Variants in IQCJ observed in about 807,000 individuals in gnomAD.
IQCJ encodes the protein IQ domain-containing protein J.
Under a neutral mutation model 11.0 loss-of-function variants are expected in IQCJ, and 9 were observed. The observed-to-expected ratio is 0.82, with a 90% CI of 0.49 to 1.43. The LOEUF is 1.43. Ranked by LOEUF, IQCJ falls within the 40% of genes most tolerant of loss-of-function variation. IQCJ has a pLI of 0.00. For synonymous variants in IQCJ, 55 were observed against 51.3 expected (o/e 1.07, Z -0.31); for missense variants, 146 against 133.2 (o/e 1.10, Z -0.47).
intron 1 of IQCJ, among the ~76,000 whole-genome samples, chr3:159,201,026 T>C (rs1435483423): frequency 6.6e-6 from 1 of 152,022 alleles, no homozygotes; most frequent in East Asian, 1.9e-4. Flanking sequence ...GAGACAAATA[T>C]AAGAAAGAAG....
chr3:159,212,090 A>G (rs1724987465), intron 1 of IQCJ, among the ~76,000 whole-genome samples: 1 of 151,442 alleles, frequency 6.6e-6, no homozygotes, highest in Non-Finnish European at 1.5e-5. Context: ...ATATTGTTCC[A>G]CAGAGTAGCT....
intron 1 of IQCJ, among the ~76,000 whole-genome samples, chr3:159,150,646 A>G (rs2108201056): frequency 6.6e-6 from 1 of 151,986 alleles, no homozygotes; most frequent in Non-Finnish European, 1.5e-5. Flanking sequence ...CTGTAGGTTG[A>G]GGGTAAGAAA....
intron 1 of IQCJ, among the ~76,000 whole-genome samples, chr3:159,159,488 A>T (rs1189469511): frequency 2.6e-5 from 4 of 152,174 alleles, no homozygotes; most frequent in Admixed American, 2.0e-4. Flanking sequence ...ATACAGCTAG[A>T]TAGTTATTTT....
At chr3:159,170,757 C>T (rs899494961) in intron 1 of IQCJ, among the ~76,000 whole-genome samples, 1 of 151,932 alleles carries the variant, frequency 6.6e-6, no homozygotes, top group African/African-American at 2.4e-5. Flanking sequence ...AAGTGGGAAA[C>T]TTCAGCTCCT....
chr3:159,178,425 T>C (rs1405316867), intron 1 of IQCJ, among the ~76,000 whole-genome samples: 1 of 152,196 alleles, frequency 6.6e-6, no homozygotes, highest in African/African-American at 2.4e-5. Context: ...ATTGCAGTCC[T>C]TCGATCAGCC....
At chr3:159,178,242 G>T (rs1264926161) in intron 1 of IQCJ, among the ~76,000 whole-genome samples, 1 of 152,142 alleles carries the variant, frequency 6.6e-6, no homozygotes, top group Non-Finnish European at 1.5e-5. Context: ...AGAATGGCTT[G>T]CTACTAGCAG....
chr3:159,081,677 A>G (rs1177379229), intron 1 of IQCJ, among the ~76,000 whole-genome samples: 2 of 151,998 alleles, frequency 1.3e-5, no homozygotes, highest in South Asian at 2.1e-4. Context: ...CTTTACCCAA[A>G]TGTTCATCTA....
intron 1 of IQCJ, among the ~76,000 whole-genome samples, chr3:159,093,217 C>A (rs1347184667): frequency 1.3e-5 from 2 of 151,718 alleles, no homozygotes; most frequent in African/African-American, 4.9e-5. Context: ...GGATTCTTAC[C>A]ATTTTATTAG....
intron 1 of IQCJ, among the ~76,000 whole-genome samples, chr3:159,193,399 C>T (rs1384371133): frequency 6.6e-6 from 1 of 152,200 alleles, no homozygotes; most frequent in East Asian, 1.9e-4. Flanking sequence ...CAAAGGTCAG[C>T]TGAGTCCAGC....
Position 159,094,379 on chromosome 3 carries a change from T to A in IQCJ, c.9+24938T>A, listed in dbSNP as rs181238802. Among the ~76,000 whole-genome samples the A allele has an allele frequency of 3.8e-3, 572 of 150,338 alleles. 3 individuals carry two copies. Among genetic ancestry groups the A allele is most frequent in the Non-Finnish European group, 5.9e-3 (397 of 67,794 alleles). ...AGAGGCACCTCAGTGGTCTTCAGGA[T>A]CTTTTTTGTTTTAATTCTCTGCAGT... On this transcript the variant is annotated intron_variant, in intron 1 of 3. Transcript: ENST00000397832.
At chr3:159,183,811 T>A (rs1723231327) in intron 1 of IQCJ, among the ~76,000 whole-genome samples, 1 of 152,096 alleles carries the variant, frequency 6.6e-6, no homozygotes. Flanking sequence ...CACAGTAATC[T>A]TCGATTCACC....
At chr3:159,149,039 G>A (rs2108197798) in intron 1 of IQCJ, among the ~76,000 whole-genome samples, 1 of 152,096 alleles carries the variant, frequency 6.6e-6, no homozygotes, top group Non-Finnish European at 1.5e-5. Flanking sequence ...TTTATTTAGT[G>A]GTTTGTGAGC....
chr3:159,192,436 C>T (rs1031589813), intron 1 of IQCJ, among the ~76,000 whole-genome samples: 1 of 152,000 alleles, frequency 6.6e-6, no homozygotes, highest in Non-Finnish European at 1.5e-5. Flanking sequence ...TTTTATGAAC[C>T]ACATACATAA....
intron 1 of IQCJ, among the ~76,000 whole-genome samples, chr3:159,145,574 CT>C (rs34505741): frequency 0.38 from 55,878 of 146,514 alleles, 10,482 homozygotes; most frequent in African/African-American, 0.42. Context: ...CTTTAGTATG[CT>C]TTTTTTTTTT....
intron 3 of IQCJ, among the ~76,000 whole-genome samples, chr3:159,255,370 C>A (rs1332403583): frequency 6.6e-6 from 1 of 152,182 alleles, no homozygotes; most frequent in Non-Finnish European, 1.5e-5. Context: ...GCAAGGCAAT[C>A]TCTGAATGTA....
chr3:159,072,197 T>C (rs887686804), intron 1 of IQCJ, among the ~76,000 whole-genome samples: 1 of 152,134 alleles, frequency 6.6e-6, no homozygotes, highest in Non-Finnish European at 1.5e-5. Flanking sequence ...TTTTTTGTAC[T>C]ACTTAGTTTC....
intron 1 of IQCJ, among the ~76,000 whole-genome samples, chr3:159,166,945 G>A (rs1358035405): frequency 6.6e-6 from 1 of 152,184 alleles, no homozygotes; most frequent in Non-Finnish European, 1.5e-5. Flanking sequence ...AAATACTAGG[G>A]ATATTGGAAA....
intron 1 of IQCJ, among the ~76,000 whole-genome samples, chr3:159,225,910 T>C (rs961190782): frequency 6.6e-6 from 1 of 152,210 alleles, no homozygotes; most frequent in Non-Finnish European, 1.5e-5. Flanking sequence ...CCTTCTCATG[T>C]TTGATATTTG....
At chr3:159,148,553 C>A (rs1721036526) in intron 1 of IQCJ, among the ~76,000 whole-genome samples, 1 of 152,158 alleles carries the variant, frequency 6.6e-6, no homozygotes, top group Non-Finnish European at 1.5e-5. Context: ...TATCTGATAG[C>A]TCCCACATAC....
Sources: allele counts gnomAD v4.1 joint callset (sites outside exome capture counted in the v4.1 genomes callset), GRCh38; gene constraint gnomAD v4.1.1; transcripts MANE v1.5; gene names NCBI Gene and HGNC (gene_info 2026-07-23, HGNC 2026-07-21).